Variants in AGBL4 observed in about 807,000 individuals in gnomAD.
AGBL4 encodes AGBL carboxypeptidase 4, also known as cytosolic carboxypeptidase 6.
In AGBL4, 58 loss-of-function variants were observed where a neutral mutation model predicts 66.4. The ratio of observed to expected loss-of-function variants is 0.87; its 90% CI spans 0.71 to 1.09. The LOEUF (loss-of-function observed/expected upper bound fraction) is 1.09. AGBL4 is among the 50% of genes least tolerant of loss of function. The pLI, the probability that AGBL4 is intolerant of heterozygous loss-of-function variation, is 0.00. For missense variants in AGBL4, 579 were observed against 631.0 expected (o/e 0.92, Z 0.88); for synonymous variants, 234 against 222.9 (o/e 1.05, Z -0.44).
At chr1:48,575,818 C>G (rs1001502807) in intron 11 of AGBL4, among the ~76,000 whole-genome samples, 2 of 152,186 alleles carry the variant, frequency 1.3e-5, no homozygotes, top group African/African-American at 4.8e-5. Flanking sequence ...CTCTCCTGCC[C>G]ATCTCCTCCA....
At chr1:48,607,624 C>G (rs1260672097) in intron 9 of AGBL4, among the ~76,000 whole-genome samples, 1 of 151,898 alleles carries the variant, frequency 6.6e-6, no homozygotes, top group African/African-American at 2.4e-5. Flanking sequence ...ATCCCCCCAC[C>G]CCCAGAAAAA....
chr1:49,155,241 A>C (rs1360613053), intron 4 of AGBL4, among the ~76,000 whole-genome samples: 3 of 152,198 alleles, frequency 2.0e-5, no homozygotes, highest in African/African-American at 7.2e-5. Flanking sequence ...ATTGAGGTTC[A>C]AAGACATCAG....
At chr1:49,004,290 G>T (rs1557548017) in intron 5 of AGBL4, among the ~76,000 whole-genome samples, 1 of 152,088 alleles carries the variant, frequency 6.6e-6, no homozygotes, top group Non-Finnish European at 1.5e-5. Flanking sequence ...CATTCCCCAA[G>T]ATAGAGTCAG....
intron 6 of AGBL4, among the ~76,000 whole-genome samples, chr1:48,709,696 G>C (rs1445575616): frequency 6.6e-6 from 1 of 151,880 alleles, no homozygotes. Context: ...CTGCCTTCCA[G>C]GTTCACGCCA....
At chr1:49,987,447 T>C (rs1327051669) in intron 1 of AGBL4, among the ~76,000 whole-genome samples, 1 of 151,968 alleles carries the variant, frequency 6.6e-6, no homozygotes, top group Non-Finnish European at 1.5e-5. Flanking sequence ...TTTAGGGAGA[T>C]GGGATTCAGG....
chr1:49,107,694 T>TGTGTGTGAGAGA (rs764451269), intron 4 of AGBL4, among the ~76,000 whole-genome samples: 4 of 113,996 alleles, frequency 3.5e-5, no homozygotes, highest in Admixed American at 8.8e-5. Context: ...TGTGTGTGTG[T>TGTGTGTGAGAGA]GAGAGAGAGA....
chr1:49,617,503 G>A (rs540261243), intron 3 of AGBL4, among the ~76,000 whole-genome samples: 1 of 152,258 alleles, frequency 6.6e-6, no homozygotes, highest in East Asian at 1.9e-4. Context: ...TAAACTCCAT[G>A]AGACAAAATA....
chr1:49,939,055 A>C (rs1200968664), intron 1 of AGBL4, among the ~76,000 whole-genome samples: 2 of 152,086 alleles, frequency 1.3e-5, no homozygotes, highest in South Asian at 2.1e-4. Flanking sequence ...TTATACACCA[A>C]TAACCGACAA....
chr1:48,619,793 G>C (rs978520403), intron 9 of AGBL4, among the ~76,000 whole-genome samples: 1 of 152,154 alleles, frequency 6.6e-6, no homozygotes, highest in Non-Finnish European at 1.5e-5. Context: ...AGGATCAGCC[G>C]GTGGGGGCTG....
intron 4 of AGBL4, among the ~76,000 whole-genome samples, chr1:49,081,115 A>G (rs188948992): frequency 1.5e-4 from 23 of 152,308 alleles, no homozygotes; most frequent in Admixed American, 7.2e-4. Flanking sequence ...TCATTCATTA[A>G]CTACATACTA....
chr1:48,532,807 G>A (rs1370694764), downstream of AGBL4: 1 of 152,082 alleles, frequency 6.6e-6, no homozygotes, highest in Non-Finnish European at 1.5e-5. Flanking sequence ...TGAGTAGTGG[G>A]GACTGAAAGG....
intron 2 of AGBL4, among the ~76,000 whole-genome samples, chr1:49,724,439 T>A (rs750476667): frequency 1.1e-4 from 17 of 152,160 alleles, no homozygotes; most frequent in Non-Finnish European, 1.6e-4. Flanking sequence ...TTCCTTAGGT[T>A]TTATGCTCTC....
chr1:48,750,605 G>A (rs868692562), intron 6 of AGBL4, among the ~76,000 whole-genome samples: 2 of 152,206 alleles, frequency 1.3e-5, no homozygotes, highest in African/African-American at 2.4e-5. Flanking sequence ...AGGTGGCAAG[G>A]GGGGCTTAAC....
At chr1:49,894,227 C>T (rs534876560) in intron 1 of AGBL4, among the ~76,000 whole-genome samples, 4 of 152,178 alleles carry the variant, frequency 2.6e-5, no homozygotes, top group South Asian at 4.1e-4. Context: ...CTTACAAATA[C>T]CTAAAAAGCC....
intron 4 of AGBL4, among the ~76,000 whole-genome samples, chr1:49,060,354 C>T (rs906186551): frequency 6.6e-6 from 1 of 152,134 alleles, no homozygotes; most frequent in Admixed American, 6.5e-5. Context: ...TTCCTGATGC[C>T]TCCCAGCCAT....
At chr1:48,540,359 C>T (rs1000065227) in intron 11 of AGBL4, among the ~76,000 whole-genome samples, 4 of 152,178 alleles carry the variant, frequency 2.6e-5, no homozygotes, top group African/African-American at 9.7e-5. Context: ...ACCATTAACA[C>T]CTTAATGTGA....
intron 2 of AGBL4, among the ~76,000 whole-genome samples, chr1:49,805,036 G>A (rs1459629213): frequency 6.6e-6 from 1 of 152,092 alleles, no homozygotes; most frequent in Non-Finnish European, 1.5e-5. Context: ...TAACCAAAGG[G>A]AATAATTGTA....
chr1:48,776,515 CCCCCCGGTCCCCTCCGCCCGGG>C (rs1014083603), intron 6 of AGBL4: 3 of 929,378 alleles, frequency 3.2e-6, no homozygotes, highest in African/African-American at 1.8e-5. Flanking sequence ...AGCAGTGGCT[CCCCCCGGTCCCCTCCGCCCGGG>C]CCCCCGGCCC....
At chr1:49,411,362 G>A (rs1345825495) in intron 3 of AGBL4, among the ~76,000 whole-genome samples, 1 of 152,162 alleles carries the variant, frequency 6.6e-6, no homozygotes, top group Non-Finnish European at 1.5e-5. Flanking sequence ...CAGCTGATTG[G>A]ATGGTGCCTA....
Sources: allele counts gnomAD v4.1 joint callset (sites outside exome capture counted in the v4.1 genomes callset), GRCh38; gene constraint gnomAD v4.1.1; transcripts MANE v1.5; gene names NCBI Gene and HGNC (gene_info 2026-07-23, HGNC 2026-07-21).